The following SCD5 variants were observed in gnomAD, a reference collection of about 807,000 sequenced individuals.
SCD5 encodes the protein acyl-CoA-desaturase 4.
SCD5 carries 20 observed loss-of-function variants against 30.4 expected under a neutral mutation model. The observed-to-expected ratio is 0.66, with a 90% CI of 0.46 to 0.96. The LOEUF is 0.96. Ranked by LOEUF, SCD5 falls within the 40% of genes least tolerant of loss-of-function variation. The pLI, the probability that SCD5 is intolerant of heterozygous loss-of-function variation, is 0.00. For synonymous variants in SCD5, 173 were observed against 176.4 expected (o/e 0.98, Z 0.16); for missense variants, 381 against 443.3 (o/e 0.86, Z 1.26).
rs148127993 is a variant in SCD5 at position 82,636,479 on chromosome 4, C to T, written c.802+112G>A. 2.0e-4 allele frequency: 153 copies of T among 746,854 alleles called. 1 individual carries two copies. The highest frequency in any genetic ancestry group is 1.2e-3 in the African/African-American group (67 of 55,854). The allele number at this position is 746,854 out of a possible 1,614,324, so 46.3% of individuals were successfully genotyped here. ...AAAAAAAAAAAAAAGCTCAAGTTCA[C>T]TGAACTCCATTCCACTCCACTGCTT... On this transcript the variant is annotated intron_variant, in intron 4 of 4. Coordinates refer to ENST00000319540, the MANE Select transcript of SCD5 (RefSeq NM_001037582.3).
intron 2 of SCD5, among the ~76,000 whole-genome samples, chr4:82,688,679 C>T (rs955324262): frequency 6.6e-6 from 1 of 152,086 alleles, no homozygotes; most frequent in Non-Finnish European, 1.5e-5. Context: ...TGCTGCCTTG[C>T]CTTCATGTGG....
chr4:82,711,446 G>C (rs986085776), intron 1 of SCD5, among the ~76,000 whole-genome samples: 6 of 152,162 alleles, frequency 3.9e-5, no homozygotes, highest in African/African-American at 1.4e-4. Context: ...TGGCGCGGTG[G>C]CTCATGCCTA....
chr4:82,778,538 G>C (rs1158444525), intron 1 of SCD5, among the ~76,000 whole-genome samples: 1 of 152,256 alleles, frequency 6.6e-6, no homozygotes, highest in Non-Finnish European at 1.5e-5. Flanking sequence ...TTCCTGGCCA[G>C]TGGGCCTCAA....
At chr4:82,650,526 T>C (rs931296838) in intron 3 of SCD5, among the ~76,000 whole-genome samples, 1 of 152,100 alleles carries the variant, frequency 6.6e-6, no homozygotes, top group African/African-American at 2.4e-5. Context: ...CAAAACCGCG[T>C]CTCTACAAAA....
intron 1 of SCD5, among the ~76,000 whole-genome samples, chr4:82,747,068 T>TCCCCCCCCC (rs772385416): frequency 6.2e-5 from 5 of 81,168 alleles, no homozygotes; most frequent in South Asian, 4.6e-4. Context: ...CTGGGCAACC[T>TCCCCCCCCC]GCCCCCCAAG....
Position 82,746,908 on chromosome 4 carries a change from C to T in SCD5, c.233-41495G>A, listed in dbSNP as rs570260743. Reference sequence around the variant, plus strand: ...CCTCTGGCCTACCACACCCCCAATCCTGTTGCCATATAAACCCGAGACCTT... The same window carrying T: ...CCTCTGGCCTACCACACCCCCAATCTTGTTGCCATATAAACCCGAGACCTT... On this transcript the variant is annotated intron_variant, in intron 1 of 4. Coordinates refer to ENST00000319540, the MANE Select transcript of SCD5 (RefSeq NM_001037582.3). Among the ~76,000 whole-genome samples, 46 of 151,840 alleles carry T rather than the reference C, an allele frequency of 3.0e-4. No individual in the cohort carries two copies. In the South Asian group the frequency reaches 9.4e-3, roughly 31 times the overall value.
At chr4:82,719,667 C>A (rs962944277) in intron 1 of SCD5, among the ~76,000 whole-genome samples, 4 of 151,500 alleles carry the variant, frequency 2.6e-5, no homozygotes, top group Non-Finnish European at 4.4e-5. Flanking sequence ...CCACGCCCAG[C>A]TAATTTTTTG....
chr4:82,708,085 GGGGTGGAGGAAA>G (rs1182498770), intron 1 of SCD5, among the ~76,000 whole-genome samples: 2 of 152,094 alleles, frequency 1.3e-5, no homozygotes, highest in African/African-American at 4.8e-5. Flanking sequence ...CATGGGGTAG[GGGGTGGAGGAAA>G]GGGGAAGAAG....
At position 82,707,496 on chromosome 4, in the gene SCD5, C is replaced by T. The variant is rs557755604; in HGVS notation, c.233-2083G>A. Among the ~76,000 whole-genome samples the T allele has an allele frequency of 9.6e-4, 146 of 152,260 alleles. 2 individuals are homozygous for T. Among genetic ancestry groups the T allele is most frequent in the African/African-American group, 3.3e-3 (137 of 41,544 alleles). ...ATGCATGGCCTTGTGTAGTCTCTTC[C>T]CTATTAGTAACTTGCTTCTAACCAA... On this transcript the variant is annotated intron_variant, in intron 1 of 4. Transcript: ENST00000319540.
intron 1 of SCD5, among the ~76,000 whole-genome samples, chr4:82,745,305 G>C (rs1438950950): frequency 2.0e-5 from 3 of 152,142 alleles, no homozygotes; most frequent in Non-Finnish European, 4.4e-5. Context: ...TCTAATTCAT[G>C]GGGAGACTCA....
intron 1 of SCD5, among the ~76,000 whole-genome samples, chr4:82,750,381 C>T (rs1393904395): frequency 2.0e-5 from 3 of 152,122 alleles, no homozygotes; most frequent in East Asian, 1.9e-4. Context: ...ACACTATCTC[C>T]AAAACATCTG....
chr4:82,712,299 T>TATATACATATATATATATATATACG, intron 1 of SCD5, among the ~76,000 whole-genome samples: 1 of 32,030 alleles, frequency 3.1e-5, no homozygotes, highest in Admixed American at 3.6e-4. Context: ...TATATATATT[T>TATATACATATATATATATATATACG]TATTTTTATT....
rs1408539364 is a variant in SCD5 at position 82,798,542 on chromosome 4, G to T, written c.-5C>A. On this transcript the variant is annotated 5_prime_UTR_variant, in exon 1 of 5. Transcript: ENST00000319540. ...GTCGGTGGCCGGGCCTGGCATGGCT[G>T]GGCGAGGTGGGCGCCCGCAGCAGCG... The T allele has an allele frequency of 3.8e-6, 6 of 1,569,086 alleles. No individual in the cohort carries two copies. The highest frequency in any genetic ancestry group is 1.4e-5 in the African/African-American group (1 of 73,350).
chr4:82,717,482 A>G (rs1720253363), intron 1 of SCD5, among the ~76,000 whole-genome samples: 1 of 151,874 alleles, frequency 6.6e-6, no homozygotes, highest in South Asian at 2.1e-4. Context: ...TTTCCTTTTC[A>G]TTAATTATTC....
intron 2 of SCD5, among the ~76,000 whole-genome samples, chr4:82,699,782 C>T (rs893697005): frequency 6.6e-6 from 1 of 151,972 alleles, no homozygotes; most frequent in South Asian, 2.1e-4. Flanking sequence ...CTGCCTCAGC[C>T]TCCCAAGTAG....
Position 82,798,630 on chromosome 4 carries a change from TA to T in SCD5, c.-94del. Reference sequence around the variant, plus strand: ...GGTGGGGGCGGGGGCTTCTGCCTTTTAGGGGGGAATTCTCCGCACGTCCAGT... The same window carrying T: ...GGTGGGGGCGGGGGCTTCTGCCTTTTGGGGGGAATTCTCCGCACGTCCAGT... On this transcript the variant is annotated 5_prime_UTR_variant, in exon 1 of 5. Transcript: ENST00000319540. 6 of 1,105,034 alleles carry T rather than the reference TA, an allele frequency of 5.4e-6. No homozygotes were observed. The South Asian group carries it at 9.9e-5, about 18-fold the overall frequency. 68.5% of individuals were successfully genotyped at this position (1,105,034 alleles called of 1,614,324 possible).
chr4:82,649,349 C>A (rs561474918), intron 3 of SCD5, among the ~76,000 whole-genome samples: 109 of 152,184 alleles, frequency 7.2e-4, no homozygotes, highest in African/African-American at 2.4e-3. Context: ...TGTGACAAGG[C>A]TTCAACTATT....
intron 1 of SCD5, among the ~76,000 whole-genome samples, chr4:82,769,747 T>C (rs1222137751): frequency 6.6e-6 from 1 of 152,214 alleles, no homozygotes; most frequent in Non-Finnish European, 1.5e-5. Context: ...TGTCTCTGAC[T>C]TACTCTGAAT....
In SCD5 at chr4:82,718,411, C is replaced by T. The variant is rs543495756; in HGVS notation, c.233-12998G>A. Among the ~76,000 whole-genome samples, 13 of 151,888 alleles carry T rather than the reference C, an allele frequency of 8.6e-5. No individual in the cohort carries two copies. In the South Asian group the frequency reaches 2.3e-3, roughly 27 times the overall value. On this transcript the variant is annotated intron_variant, in intron 1 of 4. Transcript: ENST00000319540. ...CGTCCTGATTTCTTCATCCTCCTCTCGTCCTTTTTTCTGACTCAGACCCTC... is the reference window on the plus strand; with the variant it reads ...CGTCCTGATTTCTTCATCCTCCTCTTGTCCTTTTTTCTGACTCAGACCCTC...
Sources: allele counts gnomAD v4.1 joint callset (sites outside exome capture counted in the v4.1 genomes callset), GRCh38; gene constraint gnomAD v4.1.1; transcripts MANE v1.5; gene names NCBI Gene and HGNC (gene_info 2026-07-23, HGNC 2026-07-21).